PRPF3: variants seen among roughly 807,000 people sequenced by gnomAD.
PRPF3 encodes U4/U6 small nuclear ribonucleoprotein Prp3.
Under a neutral mutation model 89.2 loss-of-function variants are expected in PRPF3, and 3 were observed. The ratio of observed to expected loss-of-function variants is 0.03; its 90% CI spans 0.02 to 0.09. The LOEUF (loss-of-function observed/expected upper bound fraction) is 0.09, where lower values mean the gene tolerates loss of function less well. Among genes scored for constraint, PRPF3 ranks in the 10% least tolerant of loss-of-function variants. The pLI is 1.00. For synonymous variants in PRPF3, 270 were observed against 289.1 expected (o/e 0.93, Z 0.67); for missense variants, 463 against 828.8 (o/e 0.56, Z 5.42).
At chr1:150,341,021 G>A (rs1407462030) in intron 9 of PRPF3, among the ~76,000 whole-genome samples, 2 of 150,250 alleles carry the variant, frequency 1.3e-5, no homozygotes, top group African/African-American at 4.9e-5. Flanking sequence ...GTGGAGGATG[G>A]CTTGAGCCTG....
chr1:150,335,778 G>A, intron 7 of PRPF3, among the ~76,000 whole-genome samples: 1 of 106,846 alleles, frequency 9.4e-6, no homozygotes, highest in East Asian at 2.6e-4. Context: ...TTTTTTTTGG[G>A]CGGGGAGGGG....
chr1:150,335,055 C>T lies in PRPF3; in HGVS notation c.849C>T (p.Ala283=), dbSNP rs975320668. The T allele has an allele frequency of 1.2e-6, 2 of 1,614,050 alleles. No homozygotes were observed. Among genetic ancestry groups the T allele is most frequent in the Admixed American group, 1.7e-5 (1 of 59,978 alleles). ...CACACCGCATGCCTACTCTGAAAGC[C>T]AATATTCGTGCTGTGAAGAGGGAAC... ...ELTHRMPTLK[A]NIRAVKREQF... Residue 283 remains alanine, a synonymous_variant, in exon 7 of 16, where the codon GCC becomes GCT. Coordinates refer to ENST00000324862, the MANE Select transcript of PRPF3 (RefSeq NM_004698.4).
rs1553872966 is a variant in PRPF3, at chr1:150,346,446, C to T, written c.1798C>T (p.His600Tyr). ...GAAGAAATTTAAGCGTCTTATGCTG[C>T]ATCGGATAAAGTGGGATGAACAGAC... is the stretch of plus-strand genomic sequence containing the variant. ...AQKKFKRLML[H>Y]RIKWDEQTSN... Residue 600 changes from histidine to tyrosine, a missense_variant, in exon 14 of 16, where the codon CAT (histidine) becomes TAT (tyrosine). By Grantham distance (83) the His-to-Tyr change is moderately conservative. This residue lies in a region of PRPF3 where 261 missense variants were observed against 475.8 expected (regional missense o/e 0.55). Transcript: ENST00000324862. 6.2e-7 allele frequency: 1 copy of T among 1,614,024 alleles called. No individual in the cohort carries two copies. The highest frequency in any genetic ancestry group is 1.7e-5 in the Admixed American group (1 of 59,998).
At chr1:150,334,801 T>C (rs1553866774) in intron 6 of PRPF3, 134 bp from the exon 7 acceptor site, 5 of 1,058,294 alleles carry the variant, frequency 4.7e-6, no homozygotes, top group Non-Finnish European at 4.2e-6. Flanking sequence ...ACTCCTGGGC[T>C]CAAGTGATCC....
chr1:150,343,344 C>G lies in PRPF3; in HGVS notation c.1318C>G (p.Leu440Val). ...NDTPVTLGVY[L>V]TKKEQKKLRR... ...CACACCAGTTACTCTGGGAGTATAT[C>G]TTACCAAGAAGGAACAGAAAAAACT... The change falls in exon 10 of 16, where the codon CTT (leucine) becomes GTT (valine). Residue 440 changes from leucine to valine, a missense_variant. By Grantham distance (32) the Leu-to-Val change is conservative (BLOSUM62 1). Around this residue, in one of 8 missense-constraint regions of PRPF3, gnomAD observed 261 missense variants for 475.8 expected, o/e 0.55. Transcript: ENST00000324862. 1 of 1,612,800 alleles carries G rather than the reference C, an allele frequency of 6.2e-7. No individual in the cohort carries two copies. Among genetic ancestry groups the G allele is most frequent in the Non-Finnish European group, 8.5e-7 (1 of 1,179,584 alleles).
intron 15 of PRPF3, 151 bp from the exon 16 acceptor site, chr1:150,352,682 C>T: frequency 2.5e-6 from 2 of 805,310 alleles, no homozygotes; most frequent in African/African-American, 1.7e-5. Flanking sequence ...CACAAATATC[C>T]AAGGAAATGG....
chr1:150,333,299 C>G (rs1656616378), intron 6 of PRPF3, 100 bp downstream of exon 6: 1 of 1,326,410 alleles, frequency 7.5e-7, no homozygotes, highest in Admixed American at 2.0e-5. Context: ...GTGCCTCAGG[C>G]CTGTAATCGT....
At chr1:150,322,582 C>T (rs1248854343) in intron 1 of PRPF3, among the ~76,000 whole-genome samples, 1 of 152,188 alleles carries the variant, frequency 6.6e-6, no homozygotes, top group African/African-American at 2.4e-5. Context: ...TAGAATTACT[C>T]ACGTAACTTG....
At chr1:150,322,960 C>T (rs895042911) in intron 1 of PRPF3, among the ~76,000 whole-genome samples, 5 of 151,344 alleles carry the variant, frequency 3.3e-5, no homozygotes, top group African/African-American at 7.3e-5. Context: ...CTGCAACCTC[C>T]GCCTTCCATG....
rs782430508 is a variant in PRPF3, at chr1:150,338,146, T to C, written c.1036-14T>C. 6 of 1,613,832 alleles carry C rather than the reference T, an allele frequency of 3.7e-6. No homozygotes were observed. The highest frequency in any genetic ancestry group is 5.1e-6 in the Non-Finnish European group (6 of 1,179,840). ...TCCAATTTATCTTTCTGTCTTGGAT[T>C]ATCTTGTTTTTAGGCTCAACTGGAG... On this transcript the variant is annotated splice_polypyrimidine_tract_variant and intron_variant, in intron 7 of 15. Coordinates refer to ENST00000324862, the MANE Select transcript of PRPF3 (RefSeq NM_004698.4).
At chr1:150,323,754 C>T (rs71622694) in intron 1 of PRPF3, among the ~76,000 whole-genome samples, 11,591 of 150,270 alleles carry the variant, frequency 0.077, 562 homozygotes, top group Non-Finnish European at 0.093. Flanking sequence ...ATGAATATGA[C>T]CACAGAGAAA....
chr1:150,324,846 C>T, intron 1 of PRPF3, 49 bp from the exon 2 acceptor site: 1 of 1,464,196 alleles, frequency 6.8e-7, no homozygotes. Context: ...TGCACCCAGC[C>T]CACTTTAGTC....
rs994560599 is a variant in PRPF3 at position 150,331,510 on chromosome 1, G to A, written c.424-1174G>A. Among the ~76,000 whole-genome samples the A allele has an allele frequency of 4.0e-5, 6 of 151,734 alleles. No individual in the cohort carries two copies. In the South Asian group the frequency reaches 1.0e-3, roughly 26 times the overall value. Reference sequence around the variant, plus strand: ...CTCCTGAGTAGCTGGCATTACAGGCGCCCACCACCACACCCGGCTAATTTT... The same window carrying A: ...CTCCTGAGTAGCTGGCATTACAGGCACCCACCACCACACCCGGCTAATTTT... On this transcript the variant is annotated intron_variant, in intron 4 of 15. Transcript: ENST00000324862.
chr1:150,338,847 A>G (rs1553869070), intron 8 of PRPF3, among the ~76,000 whole-genome samples: 1 of 152,174 alleles, frequency 6.6e-6, no homozygotes, highest in Non-Finnish European at 1.5e-5. Context: ...TGTATCATAT[A>G]TATAGGCTGT....
chr1:150,330,341 G>A lies in PRPF3; in HGVS notation c.423+1875G>A, dbSNP rs150335123. 8.5e-5 allele frequency: 13 copies of A among 153,272 alleles called. No homozygotes were observed. The East Asian group carries it at 9.6e-4, about 11-fold the overall frequency. 9.5% of individuals were successfully genotyped at this position (153,272 alleles called of 1,614,324 possible). On this transcript the variant is annotated intron_variant, in intron 4 of 15. Coordinates refer to ENST00000324862, the MANE Select transcript of PRPF3 (RefSeq NM_004698.4). ...TGGACTTACAGGCGTGAGCTACCAC[G>A]CCCAGCCAATTATTTTCTTTTTTGG...
chr1:150,334,071 G>A (rs904110566), intron 6 of PRPF3, among the ~76,000 whole-genome samples: 3 of 152,132 alleles, frequency 2.0e-5, no homozygotes, highest in Non-Finnish European at 2.9e-5. Flanking sequence ...TTGGGAGGCC[G>A]AGACTGGCAG....
At chr1:150,323,869 T>C (rs1655392006) in intron 1 of PRPF3, among the ~76,000 whole-genome samples, 1 of 149,068 alleles carries the variant, frequency 6.7e-6, no homozygotes, top group Non-Finnish European at 1.5e-5. Flanking sequence ...CTCTGCTGCC[T>C]GGGTTCAAGT....
intron 7 of PRPF3, among the ~76,000 whole-genome samples, chr1:150,336,833 A>G (rs1338408683): frequency 6.6e-6 from 1 of 151,746 alleles, no homozygotes; most frequent in Non-Finnish European, 1.5e-5. Flanking sequence ...GTTTCTACAT[A>G]AGTGGAAATA....
chr1:150,338,689 A>G (rs1450939897), intron 8 of PRPF3, among the ~76,000 whole-genome samples: 1 of 151,798 alleles, frequency 6.6e-6, no homozygotes, highest in Admixed American at 6.6e-5. Context: ...TGCTTTTTGT[A>G]TTTTTGATAG....
Sources: gnomAD v4.1 joint callset for allele counts (sites outside exome capture counted in the v4.1 genomes callset) on GRCh38, gnomAD v4.1.1 for gene constraint, gnomAD v4.1.1 regional missense constraint, MANE v1.5 for transcripts, NCBI Gene and HGNC (gene_info 2026-07-23, HGNC 2026-07-21) for gene names.